The following CDH13 variants were observed in gnomAD, a reference collection of about 807,000 sequenced individuals.
The protein encoded by CDH13 is cadherin 13, also known as cadherin-13.
Under a neutral mutation model 63.8 loss-of-function variants are expected in CDH13, and 24 were observed. The ratio of observed to expected loss-of-function variants is 0.38; its 90% CI spans 0.27 to 0.53. The LOEUF (loss-of-function observed/expected upper bound fraction) is 0.53. Among genes scored for constraint, CDH13 ranks in the 20% least tolerant of loss-of-function variants. CDH13 has a pLI of 0.85. For synonymous variants in CDH13, 503 were observed against 355.3 expected (o/e 1.42, Z -4.67); for missense variants, 1,049 against 903.1 (o/e 1.16, Z -2.07).
chr16:83,415,887 C>G (rs1006468906), intron 6 of CDH13, among the ~76,000 whole-genome samples: 4 of 152,054 alleles, frequency 2.6e-5, no homozygotes, highest in African/African-American at 9.7e-5. Flanking sequence ...CAACATAGTC[C>G]TGGAAGTCCT....
intron 5 of CDH13, among the ~76,000 whole-genome samples, chr16:83,326,965 CCA>C (rs2090376843): frequency 6.6e-6 from 1 of 152,112 alleles, no homozygotes; most frequent in Admixed American, 6.5e-5. Flanking sequence ...TCTCATCCGG[CCA>C]CAGTCATGTC....
chr16:83,466,091 G>A (rs1051944927), intron 6 of CDH13, among the ~76,000 whole-genome samples: 6 of 152,162 alleles, frequency 3.9e-5, no homozygotes, highest in Non-Finnish European at 7.3e-5. Flanking sequence ...GCAACCCCAT[G>A]GTCAAGCAGC....
intron 1 of CDH13, among the ~76,000 whole-genome samples, chr16:82,707,333 G>C (rs1430350694): frequency 1.3e-5 from 2 of 152,130 alleles, no homozygotes; most frequent in East Asian, 1.9e-4. Context: ...GAAGAGATAG[G>C]GGTAGACATG....
chr16:82,692,660 T>A (rs74028552), intron 1 of CDH13, among the ~76,000 whole-genome samples: 4,148 of 152,292 alleles, frequency 0.027, 183 homozygotes, highest in African/African-American at 0.095. Context: ...TCTGAGAGGA[T>A]GCCTTGAATA....
At chr16:83,775,849 C>T (rs1219859902) in intron 11 of CDH13, among the ~76,000 whole-genome samples, 1 of 152,098 alleles carries the variant, frequency 6.6e-6, no homozygotes, top group Non-Finnish European at 1.5e-5. Flanking sequence ...GTGGAGGCTG[C>T]TGATGGAAAG....
At chr16:83,536,435 G>T (rs181837442) in intron 7 of CDH13, among the ~76,000 whole-genome samples, 3 of 152,172 alleles carry the variant, frequency 2.0e-5, no homozygotes, top group Admixed American at 2.0e-4. Flanking sequence ...GAGCAAGAAT[G>T]GGTAGAAAGA....
chr16:82,937,694 CA>C (rs1359094291), intron 2 of CDH13, among the ~76,000 whole-genome samples: 1 of 152,192 alleles, frequency 6.6e-6, no homozygotes, highest in Non-Finnish European at 1.5e-5. Flanking sequence ...GCAGGAACTT[CA>C]TTTTTTCTAT....
intron 3 of CDH13, among the ~76,000 whole-genome samples, chr16:83,069,980 TTGG>T (rs2032314532): frequency 6.6e-6 from 1 of 152,110 alleles, no homozygotes; most frequent in Non-Finnish European, 1.5e-5. Context: ...TGAAGAAAAA[TTGG>T]GCCAATGGCA....
intron 5 of CDH13, among the ~76,000 whole-genome samples, chr16:83,271,133 T>C (rs1419440997): frequency 6.6e-6 from 1 of 151,954 alleles, no homozygotes; most frequent in Non-Finnish European, 1.5e-5. Flanking sequence ...GAAAGCAGTT[T>C]ATTGGTTTTG....
Position 82,921,088 on chromosome 16 carries a change from G to T in CDH13, c.157+62615G>T, listed in dbSNP as rs186135412. 1.4e-3 allele frequency among the ~76,000 whole-genome samples: 213 copies of T among 152,146 alleles called. 1 individual carries two copies. The highest frequency in any genetic ancestry group is 1.7e-3 in the Non-Finnish European group (117 of 68,010). ...TGCATACCTTTAATAAAGCCTAGTTGGTTATTTTCCTTGAGGTGTACAATC... is the reference window on the plus strand; with the variant it reads ...TGCATACCTTTAATAAAGCCTAGTTTGTTATTTTCCTTGAGGTGTACAATC... On this transcript the variant is annotated intron_variant, in intron 2 of 13. Transcript: ENST00000567109.
At chr16:83,377,722 T>G (rs1049357540) in intron 6 of CDH13, among the ~76,000 whole-genome samples, 3 of 152,160 alleles carry the variant, frequency 2.0e-5, no homozygotes, top group Admixed American at 2.0e-4. Context: ...TGCCATTTCT[T>G]GAGAACTGTA....
At chr16:83,544,101 C>T (rs531790904) in intron 7 of CDH13, among the ~76,000 whole-genome samples, 22 of 152,144 alleles carry the variant, frequency 1.4e-4, no homozygotes, top group Non-Finnish European at 2.9e-4. Context: ...CAGTGTGCTT[C>T]GAGCACACCC....
intron 5 of CDH13, among the ~76,000 whole-genome samples, chr16:83,302,192 A>G (rs1284111495): frequency 6.6e-6 from 1 of 152,208 alleles, no homozygotes; most frequent in Non-Finnish European, 1.5e-5. Context: ...ACATCATAGA[A>G]AATGTGCCTA....
At chr16:83,471,416 A>C (rs530430979) in intron 6 of CDH13, among the ~76,000 whole-genome samples, 1 of 151,976 alleles carries the variant, frequency 6.6e-6, no homozygotes, top group African/African-American at 2.4e-5. Context: ...CTAGGACTAC[A>C]GGTGGCTGCC....
At chr16:82,784,688 T>C (rs757407025) in intron 1 of CDH13, among the ~76,000 whole-genome samples, 2 of 152,112 alleles carry the variant, frequency 1.3e-5, no homozygotes, top group African/African-American at 2.4e-5. Context: ...CCATGAGAGC[T>C]GGTAACTCTC....
intron 11 of CDH13, among the ~76,000 whole-genome samples, chr16:83,776,733 G>A (rs1915140765): frequency 6.6e-6 from 1 of 152,080 alleles, no homozygotes; most frequent in African/African-American, 2.4e-5. Context: ...TATCCTCGTA[G>A]GGGTCATGAC....
At chr16:83,146,814 A>G (rs1360320757) in intron 4 of CDH13, among the ~76,000 whole-genome samples, 3 of 152,238 alleles carry the variant, frequency 2.0e-5, no homozygotes, top group South Asian at 4.1e-4. Flanking sequence ...GGGGCCAAGC[A>G]TGGTGGCTCA....
In CDH13 at chr16:83,034,514, A is replaced by G. The variant is rs147183969; in HGVS notation, c.366+2296A>G. Among the ~76,000 whole-genome samples the G allele has an allele frequency of 1.2e-4, 19 of 152,286 alleles. 1 individual carries two copies. The highest frequency in any genetic ancestry group is 3.8e-4 in the African/African-American group (16 of 41,580). ...GACCAATGGTCACAGCATCTCACTA[A>G]TCTGTGATATAAATTATGTGGCAAA... On this transcript the variant is annotated intron_variant, in intron 3 of 13. Transcript: ENST00000567109.
At chr16:83,046,920 G>A (rs1445959337) in intron 3 of CDH13, among the ~76,000 whole-genome samples, 3 of 152,130 alleles carry the variant, frequency 2.0e-5, no homozygotes, top group Admixed American at 6.6e-5. Context: ...CCAAGAGAGG[G>A]CTTTCCCTTT....
Sources: allele counts gnomAD v4.1 joint callset (sites outside exome capture counted in the v4.1 genomes callset), GRCh38; gene constraint gnomAD v4.1.1; transcripts MANE v1.5; gene names NCBI Gene and HGNC (gene_info 2026-07-23, HGNC 2026-07-21).